DMTF1: variants seen among roughly 807,000 people sequenced by gnomAD.
DMTF1 encodes the protein cyclin D binding myb like transcription factor 1, also known as cyclin-D-binding Myb-like transcription factor 1.
A neutral mutation model predicts 91.1 loss-of-function variants in DMTF1; 39 were observed. The ratio of observed to expected loss-of-function variants is 0.43; its 90% CI spans 0.33 to 0.56. The LOEUF is 0.56. Ranked by LOEUF, DMTF1 falls within the 20% of genes least tolerant of loss-of-function variation. The pLI is 0.05. For synonymous variants in DMTF1, 338 were observed against 309.5 expected (o/e 1.09, Z -0.97); for missense variants, 750 against 914.5 (o/e 0.82, Z 2.32).
At chr7:87,186,909 A>C (rs1162429821) in intron 12 of DMTF1, 2 of 152,206 alleles carry the variant, frequency 1.3e-5, no homozygotes, top group African/African-American at 2.4e-5. Context: ...TGAAAACCTA[A>C]GTTTAAGTCA....
chr7:87,183,225 A>C (rs1438692601), intron 10 of DMTF1, among the ~76,000 whole-genome samples: 1 of 152,226 alleles, frequency 6.6e-6, no homozygotes, highest in African/African-American at 2.4e-5. Context: ...GGGCAGTGAG[A>C]ACATAACTTC....
chr7:87,162,469 A>G (rs1231070515), intron 1 of DMTF1, among the ~76,000 whole-genome samples: 1 of 152,224 alleles, frequency 6.6e-6, no homozygotes, highest in East Asian at 1.9e-4. Context: ...TGCACAATAC[A>G]CTATAATCAC....
chr7:87,188,285 C>T lies in DMTF1; in HGVS notation c.1395C>T (p.Val465=), dbSNP rs1798915287. The part of the protein sequence containing the change: ...SSPMAALQIP[V]QITHVSSADS... ...CCATGGCAGCATTGCAGATTCCAGT[C>T]CAGATCACCCATGTTTGTAAGTGTT... The change falls in exon 13 of 18, where the codon GTC becomes GTT. Residue 465 remains valine (V), a synonymous_variant. Coordinates refer to ENST00000331242, the MANE Select transcript of DMTF1 (RefSeq NM_001142327.2). 1.9e-6 allele frequency: 3 copies of T among 1,613,698 alleles called. No homozygotes were observed. The highest frequency in any genetic ancestry group is 2.5e-6 in the Non-Finnish European group (3 of 1,179,800).
intron 11 of DMTF1, among the ~76,000 whole-genome samples, chr7:87,185,246 A>G (rs531671815): frequency 6.6e-6 from 1 of 152,384 alleles, no homozygotes; most frequent in African/African-American, 2.4e-5. Flanking sequence ...AGAGACTGTC[A>G]CCATGGCTAC....
At chr7:87,155,416 C>G (rs1790422947) in intron 1 of DMTF1, 1 of 151,756 alleles carries the variant, frequency 6.6e-6, no homozygotes, top group South Asian at 2.1e-4. Context: ...AAAGGATTTC[C>G]TAGGAATTGA....
chr7:87,192,901 AAG>A (rs980242786), intron 14 of DMTF1: 5 of 253,530 alleles, frequency 2.0e-5, no homozygotes, highest in Admixed American at 4.9e-5. Context: ...AAGAAAGAAA[AAG>A]AGGGGTGATT....
At chr7:87,155,261 T>G (rs1369678223) in intron 1 of DMTF1, among the ~76,000 whole-genome samples, 2 of 152,252 alleles carry the variant, frequency 1.3e-5, no homozygotes, top group African/African-American at 4.8e-5. Flanking sequence ...GAACAAAGTT[T>G]AAGGAGGGTT....
chr7:87,194,476 A>AGGAACATCATCCTAC, intron 16 of DMTF1: 1 of 478,254 alleles, frequency 2.1e-6, no homozygotes, highest in Non-Finnish European at 3.7e-6. Flanking sequence ...GCTGACCTAT[A>AGGAACATCATCCTAC]ACTGACCTAG....
chr7:87,169,935 C>T (rs1024261768), intron 4 of DMTF1, among the ~76,000 whole-genome samples: 5 of 152,172 alleles, frequency 3.3e-5, no homozygotes, highest in African/African-American at 7.2e-5. Context: ...GTTTTAAATA[C>T]TATCTGGTGT....
chr7:87,152,755 C>T (rs1007908322), intron 1 of DMTF1, 200 bp downstream of exon 1: 12 of 154,392 alleles, frequency 7.8e-5, no homozygotes, highest in African/African-American at 1.2e-4. Flanking sequence ...GGGCCTCCCT[C>T]TTAGGGCCGG....
At chr7:87,187,261 T>G (rs2129171895) in intron 12 of DMTF1, 1 of 152,322 alleles carries the variant, frequency 6.6e-6, no homozygotes, top group East Asian at 1.9e-4. Context: ...AGGCCAGGTG[T>G]GGTGGCTTAT....
chr7:87,172,584 A>AG (rs1795315281), intron 5 of DMTF1, among the ~76,000 whole-genome samples: 3 of 152,230 alleles, frequency 2.0e-5, no homozygotes, highest in Non-Finnish European at 4.4e-5. Context: ...TTATTCAAGA[A>AG]GTAGTAGTCC....
chr7:87,154,439 C>A (rs1393459451), intron 1 of DMTF1: 2 of 152,618 alleles, frequency 1.3e-5, no homozygotes, highest in African/African-American at 4.8e-5. Context: ...TTAGCACCTG[C>A]ATATTCTGCG....
chr7:87,182,373 C>A (rs1452831173), intron 10 of DMTF1, 36 bp downstream of exon 10: 2 of 1,603,060 alleles, frequency 1.2e-6, no homozygotes, highest in Non-Finnish European at 1.7e-6. Flanking sequence ...TTTCTTGTCA[C>A]CACTTAAGCC....
At chr7:87,192,847 C>CTT (rs796549774) in intron 14 of DMTF1, 1 of 185,046 alleles carries the variant, frequency 5.4e-6, no homozygotes, top group South Asian at 1.4e-4. Context: ...GCTGTTGTGC[C>CTT]TTTTTTTTTT....
intron 13 of DMTF1, 111 bp downstream of exon 13, chr7:87,188,412 G>C: frequency 1.9e-6 from 2 of 1,071,110 alleles, no homozygotes; most frequent in South Asian, 2.8e-5. Context: ...CCAAGTCGGT[G>C]AACTGAAGGA....
chr7:87,174,858 CA>C, intron 7 of DMTF1, among the ~76,000 whole-genome samples, 189 bp downstream of exon 7: 1 of 152,204 alleles, frequency 6.6e-6, no homozygotes, highest in East Asian at 1.9e-4. Context: ...TTTGAATTCT[CA>C]GTTTAAAATA....
At chr7:87,169,300 A>T (rs1189609251) in intron 4 of DMTF1, among the ~76,000 whole-genome samples, 3 of 151,774 alleles carry the variant, frequency 2.0e-5, no homozygotes, top group African/African-American at 7.2e-5. Context: ...CTTTACAACG[A>T]ATACAAAAAT....
chr7:87,193,593 A>AC (rs1394941378), intron 15 of DMTF1, 132 bp from the exon 16 acceptor site: 10 of 963,382 alleles, frequency 1.0e-5, no homozygotes, highest in Non-Finnish European at 1.5e-5. Context: ...CAAGTAAAGG[A>AC]CAAGGGTTCT....
Sources: allele counts gnomAD v4.1 joint callset (sites outside exome capture counted in the v4.1 genomes callset), GRCh38; gene constraint gnomAD v4.1.1; transcripts MANE v1.5; gene names NCBI Gene and HGNC (gene_info 2026-07-23, HGNC 2026-07-21).